Variants in EVC observed in about 807,000 individuals in gnomAD.
EVC encodes EvC ciliary complex subunit 1, also known as evC complex member EVC.
EVC carries 116 observed loss-of-function variants against 118.9 expected under a neutral mutation model. The ratio of observed to expected loss-of-function variants is 0.98; its 90% confidence interval spans 0.84 to 1.14. The LOEUF (loss-of-function observed/expected upper bound fraction) is 1.14, where lower values mean the gene tolerates loss of function less well. Ranked by LOEUF, EVC falls within the 50% of genes most tolerant of loss-of-function variation. The pLI, the probability that EVC is intolerant of heterozygous loss-of-function variation, is 0.00. For synonymous variants in EVC, 619 were observed against 534.7 expected (o/e 1.16, Z -2.18); for missense variants, 1,401 against 1,246.4 (o/e 1.12, Z -1.87).
Position 5,738,715 on chromosome 4 carries a change from C to T in EVC, c.703-3001C>T, listed in dbSNP as rs573954744. 1.3e-5 allele frequency among the ~76,000 whole-genome samples: 2 copies of T among 152,056 alleles called. No homozygotes were observed. The highest frequency in any genetic ancestry group is 6.5e-5 in the Admixed American group (1 of 15,278). On this transcript the variant is annotated intron_variant, in intron 5 of 20. Coordinates refer to ENST00000264956, the MANE Select transcript of EVC (RefSeq NM_153717.3). The surrounding 1 kb of genome is among the most constrained non-coding windows in gnomAD (Gnocchi z 6.5). ...CCGAGCAGCTGGGACCACAGGCGCGCACCACCTCGCCCAGACAATTTTTGC... is the reference window on the plus strand; with the variant it reads ...CCGAGCAGCTGGGACCACAGGCGCGTACCACCTCGCCCAGACAATTTTTGC...
At chr4:5,799,759 G>C (rs61162715) in intron 15 of EVC, among the ~76,000 whole-genome samples, 25,171 of 152,096 alleles carry the variant, frequency 0.17, 2,305 homozygotes, top group Admixed American at 0.19. Flanking sequence ...GTCACTTTGC[G>C]TGTCTGTGCA....
chr4:5,804,363 C>A (rs935392786), intron 16 of EVC, among the ~76,000 whole-genome samples: 1 of 152,186 alleles, frequency 6.6e-6, no homozygotes, highest in Non-Finnish European at 1.5e-5. Flanking sequence ...TTGGAGAGCA[C>A]CCACTTCGGC....
chr4:5,720,622 C>T (rs1724787833), intron 2 of EVC, among the ~76,000 whole-genome samples: 2 of 152,366 alleles, frequency 1.3e-5, no homozygotes, highest in South Asian at 4.1e-4. Flanking sequence ...GAACAATCAG[C>T]TTTTGCGTTA....
At chr4:5,807,450 C>T (rs1257421082) in intron 17 of EVC, among the ~76,000 whole-genome samples, 1 of 152,220 alleles carries the variant, frequency 6.6e-6, no homozygotes, top group Admixed American at 6.5e-5. Flanking sequence ...GTGGCCCTGA[C>T]TTCAGGTCTA....
chr4:5,728,411 G>C (rs572086277), intron 2 of EVC, among the ~76,000 whole-genome samples: 5 of 151,492 alleles, frequency 3.3e-5, no homozygotes, highest in Non-Finnish European at 5.9e-5. Context: ...TGTGATTTTT[G>C]TACATTGATT....
rs192258931 is a variant in EVC, at chr4:5,755,321, C to T, written c.1465-943C>T. On this transcript the variant is annotated intron_variant, in intron 10 of 20. Coordinates refer to ENST00000264956, the MANE Select transcript of EVC (RefSeq NM_153717.3). This position sits in a 1 kb window ranked among gnomAD's most constrained non-coding sequence, Gnocchi z 4.1. Reference sequence around the variant, plus strand: ...GGGCCTCGGTACAGTCCTCGGAACGCCTCAGCGCTGGCGTTCAGGACACGT... The same window carrying T: ...GGGCCTCGGTACAGTCCTCGGAACGTCTCAGCGCTGGCGTTCAGGACACGT... Among the ~76,000 whole-genome samples the T allele has an allele frequency of 6.6e-5, 10 of 152,234 alleles. No individual in the cohort carries two copies. The East Asian group carries it at 1.9e-3, about 30-fold the overall frequency.
intron 1 of EVC, among the ~76,000 whole-genome samples, chr4:5,717,502 C>T (rs889554039): frequency 3.3e-5 from 5 of 152,122 alleles, no homozygotes; most frequent in Admixed American, 1.3e-4. Flanking sequence ...ATTTTTTCCT[C>T]AATGTCTTTA....
intron 6 of EVC, among the ~76,000 whole-genome samples, 187 bp from the exon 7 acceptor site, chr4:5,745,017 T>A (rs1370210666): frequency 2.6e-5 from 4 of 151,322 alleles, no homozygotes; most frequent in Non-Finnish European, 5.9e-5. Flanking sequence ...AATCCATTAT[T>A]CTTGAGGCTC....
chr4:5,789,854 A>G lies in EVC; in HGVS notation c.1777-3754A>G, dbSNP rs1386603576. ...CAAAACACGCAGCAAAGACCCCTAT[A>G]TACTTTAGTGGCAATGCAGACTCAC... On this transcript the variant is annotated intron_variant, in intron 12 of 20. Coordinates refer to ENST00000264956, the MANE Select transcript of EVC (RefSeq NM_153717.3). This position sits in a 1 kb window ranked among gnomAD's most constrained non-coding sequence, Gnocchi z 4.3. 6.6e-6 allele frequency among the ~76,000 whole-genome samples: 1 copy of G among 152,132 alleles called. No individual in the cohort carries two copies. The highest frequency in any genetic ancestry group is 1.5e-5 in the Non-Finnish European group (1 of 68,024).
intron 11 of EVC, among the ~76,000 whole-genome samples, chr4:5,757,290 G>A (rs1731315444): frequency 6.6e-6 from 1 of 152,190 alleles, no homozygotes; most frequent in Non-Finnish European, 1.5e-5. Flanking sequence ...ACAGCAGCCT[G>A]TAGGAGGCAT....
intron 12 of EVC, among the ~76,000 whole-genome samples, chr4:5,787,495 G>A (rs187563756): frequency 3.3e-5 from 5 of 152,328 alleles, no homozygotes; most frequent in Admixed American, 3.3e-4. Context: ...GGAAGGGGCT[G>A]TGAGCCCGGG....
rs143204981 is a variant in EVC at position 5,792,164 on chromosome 4, G to A, written c.1777-1444G>A. Reference sequence around the variant, plus strand: ...ATATCTAGAAAAGACAAGATTAGATGGTGGGAAATAAGTCCAAGCATCCCA... The same window carrying A: ...ATATCTAGAAAAGACAAGATTAGATAGTGGGAAATAAGTCCAAGCATCCCA... On this transcript the variant is annotated intron_variant, in intron 12 of 20. Transcript: ENST00000264956. Among the ~76,000 whole-genome samples the A allele has an allele frequency of 2.8e-3, 434 of 152,286 alleles. 3 individuals carry two copies. Among genetic ancestry groups the A allele is most frequent in the African/African-American group, 9.7e-3 (405 of 41,564 alleles).
At chr4:5,808,092 T>C in intron 17 of EVC, 109 bp from the exon 18 acceptor site, 2 of 923,426 alleles carry the variant, frequency 2.2e-6, no homozygotes, top group South Asian at 1.5e-5. Flanking sequence ...CAGGCCCCTC[T>C]TGGGGCTCCC....
chr4:5,792,657 A>T (rs186546182), intron 12 of EVC, among the ~76,000 whole-genome samples: 2 of 152,344 alleles, frequency 1.3e-5, no homozygotes, highest in Admixed American at 6.5e-5. Flanking sequence ...TTTATGGATA[A>T]TATGAATGTC....
chr4:5,803,391 A>G (rs1230672936), intron 16 of EVC, among the ~76,000 whole-genome samples: 1 of 152,218 alleles, frequency 6.6e-6, no homozygotes, highest in Admixed American at 6.5e-5. Flanking sequence ...ACATGCCCAG[A>G]GATCTGCCAG....
intron 12 of EVC, among the ~76,000 whole-genome samples, chr4:5,788,784 C>T (rs1194186153): frequency 1.3e-5 from 2 of 152,218 alleles, no homozygotes; most frequent in African/African-American, 4.8e-5. Flanking sequence ...CCTCCATTCT[C>T]AACCCCCACC....
intron 15 of EVC, among the ~76,000 whole-genome samples, chr4:5,799,045 G>A (rs1229702616): frequency 6.6e-6 from 1 of 152,150 alleles, no homozygotes; most frequent in East Asian, 1.9e-4. Flanking sequence ...CCTGAGCACT[G>A]GCTCTGTCTT....
chr4:5,775,237 GT>G (rs10713679), intron 11 of EVC, among the ~76,000 whole-genome samples: 3,237 of 152,186 alleles, frequency 0.021, 110 homozygotes, highest in African/African-American at 0.067. Context: ...CATTGAAAGT[GT>G]TTTTACTGTG....
chr4:5,726,568 CTTTTTT>C (rs34483285), intron 2 of EVC, among the ~76,000 whole-genome samples: 2 of 134,516 alleles, frequency 1.5e-5, no homozygotes, highest in Admixed American at 7.6e-5. Flanking sequence ...CTTCTCTTTT[CTTTTTT>C]TTTTTTTTTA....
Sources: allele counts gnomAD v4.1 joint callset (sites outside exome capture counted in the v4.1 genomes callset), GRCh38; gene constraint gnomAD v4.1.1; non-coding constraint Gnocchi (gnomAD v3.1); transcripts MANE v1.5; gene names NCBI Gene and HGNC (gene_info 2026-07-23, HGNC 2026-07-21).